NEK1: variants seen among roughly 807,000 people sequenced by gnomAD.
The protein encoded by NEK1 is NIMA related kinase 1, also known as serine/threonine-protein kinase Nek1.
In NEK1, 137 loss-of-function variants were observed where a neutral mutation model predicts 182.1. The observed-to-expected ratio is 0.75, with a 90% CI of 0.65 to 0.87. The LOEUF (loss-of-function observed/expected upper bound fraction) is 0.87, where lower values mean the gene tolerates loss of function less well. Ranked by LOEUF, NEK1 falls within the 40% of genes least tolerant of loss-of-function variation. NEK1 has a pLI of 0.00. For missense variants in NEK1, 1,391 were observed against 1,494.4 expected, an observed-to-expected ratio of 0.93 and a Z score of 1.14; for synonymous variants, 513 against 492.2, an observed-to-expected ratio of 1.04 and a Z score of -0.56.
intron 2 of NEK1, among the ~76,000 whole-genome samples, chr4:169,610,313 TC>T (rs1349120656): frequency 1.2e-3 from 181 of 151,050 alleles, no homozygotes; most frequent in African/African-American, 4.3e-3. Context: ...AGAATTTCTT[TC>T]TTTTTTTCTT....
chr4:169,579,288 A>T (rs1282367253), intron 11 of NEK1, among the ~76,000 whole-genome samples: 2 of 152,166 alleles, frequency 1.3e-5, no homozygotes, highest in Non-Finnish European at 2.9e-5. Flanking sequence ...TAATTCCTAT[A>T]TGGGTTTATC....
intron 31 of NEK1, among the ~76,000 whole-genome samples, chr4:169,409,831 T>C (rs764038268): frequency 2.6e-5 from 4 of 152,170 alleles, no homozygotes; most frequent in Non-Finnish European, 1.5e-5. Context: ...TGGTATCTCA[T>C]TGTGGCTTTA....
intron 23 of NEK1, among the ~76,000 whole-genome samples, chr4:169,500,902 G>GT (rs1425555882): frequency 6.6e-6 from 1 of 152,136 alleles, no homozygotes; most frequent in Admixed American, 6.5e-5. Flanking sequence ...AAAACCTCAC[G>GT]TATCAGTATT....
chr4:169,397,302 TAAG>T (rs1479588475), intron 35 of NEK1, among the ~76,000 whole-genome samples: 2 of 152,116 alleles, frequency 1.3e-5, no homozygotes, highest in African/African-American at 2.4e-5. Context: ...TGACTTCCAA[TAAG>T]AAGGAGTGCA....
intron 32 of NEK1, among the ~76,000 whole-genome samples, chr4:169,402,447 T>C (rs1234024722): frequency 6.6e-6 from 1 of 152,226 alleles, no homozygotes; most frequent in Non-Finnish European, 1.5e-5. Flanking sequence ...CTTTAGATGC[T>C]TATTCTTAAA....
chr4:169,428,587 A>G (rs1253509898), intron 29 of NEK1, among the ~76,000 whole-genome samples: 1 of 151,608 alleles, frequency 6.6e-6, no homozygotes, highest in Non-Finnish European at 1.5e-5. Flanking sequence ...AAAACGGGGG[A>G]TGATTGCTTA....
intron 12 of NEK1, among the ~76,000 whole-genome samples, chr4:169,563,224 T>C (rs1038660645): frequency 6.6e-6 from 1 of 151,876 alleles, no homozygotes; most frequent in African/African-American, 2.4e-5. Context: ...TAGCCAGGCA[T>C]GTGGCCCACA....
chr4:169,601,293 T>A (rs549854260), intron 4 of NEK1, among the ~76,000 whole-genome samples: 4 of 152,326 alleles, frequency 2.6e-5, no homozygotes, highest in Admixed American at 2.6e-4. Context: ...CTACTTTCAA[T>A]CTAGATTACC....
intron 19 of NEK1, among the ~76,000 whole-genome samples, chr4:169,513,708 C>T (rs1416912754): frequency 6.6e-6 from 1 of 152,032 alleles, no homozygotes; most frequent in Non-Finnish European, 1.5e-5. Flanking sequence ...TTTGCAGATG[C>T]CTATTGTGAG....
At chr4:169,496,617 C>T (rs202084211) in intron 23 of NEK1, among the ~76,000 whole-genome samples, 18,915 of 137,484 alleles carry the variant, frequency 0.14, 1,888 homozygotes, top group African/African-American at 0.3. Flanking sequence ...GCATGAAGGG[C>T]TGTTGAATTT....
intron 18 of NEK1, among the ~76,000 whole-genome samples, chr4:169,540,304 T>C (rs1485888107): frequency 6.6e-6 from 1 of 152,064 alleles, no homozygotes; most frequent in Non-Finnish European, 1.5e-5. Flanking sequence ...CATATGAAAA[T>C]CAGCGTAATA....
intron 23 of NEK1, among the ~76,000 whole-genome samples, chr4:169,481,651 C>A (rs1172130358): frequency 1.3e-5 from 2 of 152,006 alleles, no homozygotes; most frequent in Non-Finnish European, 2.9e-5. Flanking sequence ...TTACAGCAAA[C>A]CGTGCTGTTA....
intron 23 of NEK1, among the ~76,000 whole-genome samples, chr4:169,482,951 A>G (rs1748356141): frequency 6.6e-6 from 1 of 151,990 alleles, no homozygotes. Flanking sequence ...AGCACTTTTA[A>G]TTTCCTTCAG....
At chr4:169,514,438 T>C (rs905441235) in intron 19 of NEK1, among the ~76,000 whole-genome samples, 2 of 152,234 alleles carry the variant, frequency 1.3e-5, no homozygotes, top group Non-Finnish European at 2.9e-5. Context: ...TGTAGTGTTG[T>C]ATCAAATTGG....
rs74673353 is a variant in NEK1 at position 169,602,425 on chromosome 4, CT to C, written c.117+88del. 111,658 of 555,730 alleles carry C rather than the reference CT, an allele frequency of 0.2. 55 individuals carry two copies. Among genetic ancestry groups the C allele is most frequent in the South Asian group, 0.23 (10,386 of 44,228 alleles). The allele number at this position is 555,730 out of a possible 1,614,324, so 34.4% of individuals were successfully genotyped here. Reference sequence around the variant, plus strand: ...GTCTTTTGCTTTAGGTTATCGATTACTTTTTTTTTTTTTTAAAGAAAATCTC... The same window carrying C: ...GTCTTTTGCTTTAGGTTATCGATTACTTTTTTTTTTTTTAAAGAAAATCTC... On this transcript the variant is annotated intron_variant, in intron 3 of 35. Transcript: ENST00000507142.
intron 31 of NEK1, among the ~76,000 whole-genome samples, chr4:169,417,823 G>A (rs1221584324): frequency 6.6e-6 from 1 of 152,196 alleles, no homozygotes; most frequent in Non-Finnish European, 1.5e-5. Context: ...GGAAATGAAT[G>A]AAGTAAACCC....
chr4:169,436,823 G>C (rs912622222), intron 28 of NEK1, among the ~76,000 whole-genome samples: 7 of 152,242 alleles, frequency 4.6e-5, no homozygotes, highest in Admixed American at 2.0e-4. Flanking sequence ...CTCTTTGATA[G>C]AGAAAGAATT....
At chr4:169,543,652 C>A (rs925898270) in intron 18 of NEK1, among the ~76,000 whole-genome samples, 2 of 152,064 alleles carry the variant, frequency 1.3e-5, no homozygotes, top group African/African-American at 4.8e-5. Flanking sequence ...TCTGTCCTCT[C>A]TTATTTCCTT....
intron 2 of NEK1, among the ~76,000 whole-genome samples, chr4:169,603,706 A>ATTTTT (rs398064265): frequency 6.2e-5 from 8 of 129,708 alleles, no homozygotes; most frequent in African/African-American, 1.7e-4. Context: ...TTTATTGAAC[A>ATTTTT]TTTTTTTTTT....
Sources: allele counts gnomAD v4.1 joint callset (sites outside exome capture counted in the v4.1 genomes callset), GRCh38; gene constraint gnomAD v4.1.1; transcripts MANE v1.5; gene names NCBI Gene and HGNC (gene_info 2026-07-23, HGNC 2026-07-21).